MNAT1: variants seen among roughly 807,000 people sequenced by gnomAD.
MNAT1 encodes MNAT1 component of CDK activating kinase.
Under a neutral mutation model 42.0 loss-of-function variants are expected in MNAT1, and 43 were observed. That is an observed-to-expected ratio of 1.02 (90% CI 0.80 to 1.32). The LOEUF is 1.32. Among genes scored for constraint, MNAT1 ranks in the 40% most tolerant of loss-of-function variants. MNAT1 has a pLI of 0.00. For missense variants in MNAT1, 306 were observed against 350.4 expected (o/e 0.87, Z 1.01); for synonymous variants, 118 against 120.0 (o/e 0.98, Z 0.11).
intron 4 of MNAT1, among the ~76,000 whole-genome samples, chr14:60,809,460 G>A (rs2032477872): frequency 6.6e-6 from 1 of 151,986 alleles, no homozygotes; most frequent in African/African-American, 2.4e-5. Context: ...TCTTTGCCTA[G>A]TAACCTTCTC....
intron 1 of MNAT1, among the ~76,000 whole-genome samples, chr14:60,789,113 G>A (rs1012991342): frequency 1.3e-5 from 2 of 152,088 alleles, no homozygotes; most frequent in East Asian, 3.9e-4. Flanking sequence ...TTTTTCACCT[G>A]AACACCTAAG....
chr14:60,734,977 T>TG lies in MNAT1; in HGVS notation c.89+31dup, dbSNP rs951120958. The TG allele has an allele frequency of 5.0e-6, 8 of 1,609,560 alleles. No homozygotes were observed. The highest frequency in any genetic ancestry group is 6.0e-6 in the Non-Finnish European group (7 of 1,175,982). ...GTGAGTTGGGCGGCAGTGGATTCCCTGGGGGAGAGACGCGCTGGGTGGGAG... is the reference window on the plus strand; with the variant it reads ...GTGAGTTGGGCGGCAGTGGATTCCCTGGGGGGAGAGACGCGCTGGGTGGGAG... On this transcript the variant is annotated intron_variant, in intron 1 of 7. Transcript: ENST00000261245. The surrounding 1 kb of genome is among the most constrained non-coding windows in gnomAD (Gnocchi z 4.3).
At chr14:60,784,179 A>ATTTTTTTTTTTTTTTT (rs71114155) in intron 1 of MNAT1, among the ~76,000 whole-genome samples, 1 of 53,292 alleles carries the variant, frequency 1.9e-5, no homozygotes, top group African/African-American at 7.6e-5. Context: ...TGCCTGGCTA[A>ATTTTTTTTTTTTTTTT]TTTTTTTTTT....
Position 60,740,348 on chromosome 14 carries a change from C to CT in MNAT1, c.89+5405dup, listed in dbSNP as rs967001239. 6.6e-6 allele frequency among the ~76,000 whole-genome samples: 1 copy of CT among 151,728 alleles called. No homozygotes were observed. The highest frequency in any genetic ancestry group is 1.5e-5 in the Non-Finnish European group (1 of 67,916). On this transcript the variant is annotated intron_variant, in intron 1 of 7. Coordinates refer to ENST00000261245, the MANE Select transcript of MNAT1 (RefSeq NM_002431.4). The surrounding 1 kb of genome is among the most constrained non-coding windows in gnomAD (Gnocchi z 4.1). ...AACATCTTTCTCTTTCTTTTTTTCC[C>CT]TTTTTTTTCTGTTCTCCTATTTCTC...
intron 1 of MNAT1, among the ~76,000 whole-genome samples, chr14:60,778,584 A>T (rs929240836): frequency 2.0e-5 from 3 of 152,164 alleles, no homozygotes; most frequent in African/African-American, 7.2e-5. Context: ...AGAGTGTTTG[A>T]TCCACTAATA....
chr14:60,959,788 CT>C (rs1311661836), intron 7 of MNAT1, among the ~76,000 whole-genome samples: 1 of 152,142 alleles, frequency 6.6e-6, no homozygotes, highest in Non-Finnish European at 1.5e-5. Context: ...ACTTAGCCAT[CT>C]TTCTGACATC....
chr14:60,918,073 A>C (rs1253141096), intron 7 of MNAT1, among the ~76,000 whole-genome samples: 1 of 151,922 alleles, frequency 6.6e-6, no homozygotes, highest in Non-Finnish European at 1.5e-5. Flanking sequence ...AAAACCTTTG[A>C]AAACTTTGAT....
At chr14:60,775,226 G>T (rs967558870) in intron 1 of MNAT1, among the ~76,000 whole-genome samples, 3 of 152,096 alleles carry the variant, frequency 2.0e-5, no homozygotes, top group Admixed American at 6.5e-5. Context: ...TGGAGGAAGT[G>T]GTCAGTTAAT....
At chr14:60,841,612 C>T (rs1414614764) in intron 6 of MNAT1, among the ~76,000 whole-genome samples, 1 of 152,116 alleles carries the variant, frequency 6.6e-6, no homozygotes, top group Non-Finnish European at 1.5e-5. Flanking sequence ...TCTGTCCTTT[C>T]TGAGTCTGCT....
intron 1 of MNAT1, among the ~76,000 whole-genome samples, chr14:60,742,053 A>T (rs1032641652): frequency 2.0e-5 from 3 of 151,754 alleles, no homozygotes; most frequent in Non-Finnish European, 2.9e-5. Context: ...GTATTGGCCT[A>T]TTAGCCGGTA....
At chr14:60,914,058 G>A (rs2035454396) in intron 7 of MNAT1, among the ~76,000 whole-genome samples, 1 of 152,206 alleles carries the variant, frequency 6.6e-6, no homozygotes, top group Admixed American at 6.5e-5. Context: ...CTGCCGCCTT[G>A]CAGTTTGATC....
intron 1 of MNAT1, among the ~76,000 whole-genome samples, chr14:60,741,739 C>T (rs1263019368): frequency 1.4e-5 from 2 of 142,376 alleles, no homozygotes; most frequent in African/African-American, 2.6e-5. Context: ...AACGCCTGAG[C>T]GCAAGTGATC....
chr14:60,804,974 A>T (rs1463839426), intron 3 of MNAT1, among the ~76,000 whole-genome samples: 2 of 152,234 alleles, frequency 1.3e-5, no homozygotes, highest in East Asian at 3.8e-4. Context: ...GTAGAGCTCT[A>T]CATGGGATAT....
chr14:60,851,430 C>A (rs771986067), intron 6 of MNAT1, among the ~76,000 whole-genome samples: 8 of 13,774 alleles, frequency 5.8e-4, no homozygotes, highest in Non-Finnish European at 8.8e-4. Flanking sequence ...CTGTATGGGG[C>A]AAGTTTATCA....
chr14:60,734,815 C>T lies in MNAT1; in HGVS notation c.-48C>T. On this transcript the variant is annotated 5_prime_UTR_variant, in exon 1 of 8. Transcript: ENST00000261245. This position sits in a 1 kb window ranked among gnomAD's most constrained non-coding sequence, Gnocchi z 4.3. ...CGCGTCTGAGGGGGCTTGTAGGTGG[C>T]TCTGGCTGAAACAGGCGCCTGCGAG... is the stretch of plus-strand genomic sequence containing the variant. 6.3e-7 allele frequency: 1 copy of T among 1,584,686 alleles called. No homozygotes were observed. The highest frequency in any genetic ancestry group is 8.7e-7 in the Non-Finnish European group (1 of 1,153,592).
intron 1 of MNAT1, among the ~76,000 whole-genome samples, chr14:60,736,965 A>G (rs1208946514): frequency 6.6e-6 from 1 of 152,220 alleles, no homozygotes; most frequent in Non-Finnish European, 1.5e-5. Context: ...TACTTGCACA[A>G]TAATGATTAG....
intron 1 of MNAT1, among the ~76,000 whole-genome samples, chr14:60,767,321 T>C (rs1417020801): frequency 6.6e-6 from 1 of 152,234 alleles, no homozygotes; most frequent in African/African-American, 2.4e-5. Flanking sequence ...TAGTCTAACA[T>C]ACCTTGCTTT....
chr14:60,829,210 A>G (rs1267966758), intron 6 of MNAT1, among the ~76,000 whole-genome samples: 1 of 152,140 alleles, frequency 6.6e-6, no homozygotes, highest in African/African-American at 2.4e-5. Context: ...CAGCCATCTT[A>G]TTAGCATACA....
intron 1 of MNAT1, among the ~76,000 whole-genome samples, chr14:60,781,959 G>A (rs1312080616): frequency 7.0e-6 from 1 of 143,480 alleles, no homozygotes; most frequent in Non-Finnish European, 1.5e-5. Context: ...TTGTTTGTGT[G>A]TGTGTGTGTG....
Sources: allele counts gnomAD v4.1 joint callset (sites outside exome capture counted in the v4.1 genomes callset), GRCh38; gene constraint gnomAD v4.1.1; non-coding constraint Gnocchi (gnomAD v3.1); transcripts MANE v1.5; gene names NCBI Gene and HGNC (gene_info 2026-07-23, HGNC 2026-07-21).